Variants in KSR1 observed in about 807,000 individuals in gnomAD.
KSR1 encodes kinase suppressor of ras 1.
In KSR1, 35 loss-of-function variants were observed where a neutral mutation model predicts 92.9. That is an observed-to-expected ratio of 0.38 (90% CI 0.29 to 0.50). The LOEUF is 0.50. Among genes scored for constraint, KSR1 ranks in the 20% least tolerant of loss-of-function variants. The pLI, the probability that KSR1 is intolerant of heterozygous loss-of-function variation, is 0.94. For missense variants in KSR1, 972 were observed against 1,158.5 expected (o/e 0.84, Z 2.34); for synonymous variants, 467 against 472.6 (o/e 0.99, Z 0.15).
At position 27,466,895 on chromosome 17, in the gene KSR1, G is replaced by A. The variant is rs1197277990; in HGVS notation, c.231+10021G>A. 2.6e-5 allele frequency among the ~76,000 whole-genome samples: 4 copies of A among 152,302 alleles called. No homozygotes were observed. The South Asian group carries it at 6.2e-4, about 24-fold the overall frequency. Reference sequence around the variant, plus strand: ...GGTTCCACCCCGTTTCATTTTCCCCGGTCGCTGAGTCAAATGGATGCATGT... The same window carrying A: ...GGTTCCACCCCGTTTCATTTTCCCCAGTCGCTGAGTCAAATGGATGCATGT... On this transcript the variant is annotated intron_variant, in intron 1 of 20. Coordinates refer to ENST00000644974, the MANE Select transcript of KSR1 (RefSeq NM_001394583.1).
intron 13 of KSR1, among the ~76,000 whole-genome samples, chr17:27,605,203 A>G (rs2073707631): frequency 6.6e-6 from 1 of 152,218 alleles, no homozygotes; most frequent in Admixed American, 6.5e-5. Flanking sequence ...TAGCATGATG[A>G]AGGGCCTCAG....
intron 1 of KSR1, among the ~76,000 whole-genome samples, chr17:27,548,484 TCCCGGTG>T (rs2071269149): frequency 6.6e-6 from 1 of 152,138 alleles, no homozygotes; most frequent in South Asian, 2.1e-4. Flanking sequence ...TGTGCTAAGG[TCCCGGTG>T]CAGTGGTCCT....
chr17:27,519,900 G>C (rs1172927736), intron 1 of KSR1, among the ~76,000 whole-genome samples: 3 of 152,132 alleles, frequency 2.0e-5, no homozygotes, highest in Non-Finnish European at 2.9e-5. Context: ...TGGGAGTGGG[G>C]ATAGTAAAAC....
At chr17:27,547,161 G>A (rs2071210722) in intron 1 of KSR1, among the ~76,000 whole-genome samples, 1 of 152,236 alleles carries the variant, frequency 6.6e-6, no homozygotes, top group African/African-American at 2.4e-5. Flanking sequence ...CAAGGGGGTT[G>A]AATCTGGCTC....
intron 1 of KSR1, among the ~76,000 whole-genome samples, chr17:27,480,808 C>T (rs1266789918): frequency 6.6e-6 from 1 of 152,200 alleles, no homozygotes; most frequent in East Asian, 1.9e-4. Flanking sequence ...CAGTTTGACA[C>T]TCAGAGCCCA....
At chr17:27,561,440 T>C (rs990818436) in intron 2 of KSR1, among the ~76,000 whole-genome samples, 7 of 152,250 alleles carry the variant, frequency 4.6e-5, no homozygotes, top group African/African-American at 1.4e-4. Context: ...AGAGGATTAA[T>C]TGATGAGCAA....
intron 3 of KSR1, chr17:27,578,305 G>A (rs542423207): frequency 1.3e-3 from 204 of 155,358 alleles, no homozygotes; most frequent in African/African-American, 4.5e-3. Flanking sequence ...TCTTATCTCC[G>A]TCTGCCTGAG....
chr17:27,550,296 A>G (rs2071347466), intron 1 of KSR1, among the ~76,000 whole-genome samples: 1 of 152,106 alleles, frequency 6.6e-6, no homozygotes, highest in South Asian at 2.1e-4. Flanking sequence ...CTCTGTTCTG[A>G]CCAGTGTTGC....
rs553494135 is a variant in KSR1 at position 27,494,365 on chromosome 17, C to T, written c.231+37491C>T. Among the ~76,000 whole-genome samples, 7 of 152,210 alleles carry T rather than the reference C, an allele frequency of 4.6e-5. No individual in the cohort carries two copies. The South Asian group carries it at 6.2e-4, about 14-fold the overall frequency. On this transcript the variant is annotated intron_variant, in intron 1 of 20. Coordinates refer to ENST00000644974, the MANE Select transcript of KSR1 (RefSeq NM_001394583.1). ...CTTGCAGTCCAAGCAGGTGAGCATT[C>T]AGGCCTGTGGGAAGGAAGGAAGGGA...
chr17:27,477,783 G>A (rs2068390341), intron 1 of KSR1, among the ~76,000 whole-genome samples: 1 of 151,828 alleles, frequency 6.6e-6, no homozygotes, highest in African/African-American at 2.4e-5. Flanking sequence ...TGCAATAACA[G>A]CTCACTGCTG....
intron 3 of KSR1, among the ~76,000 whole-genome samples, chr17:27,581,089 G>C (rs1042083606): frequency 2.0e-5 from 3 of 152,150 alleles, no homozygotes; most frequent in African/African-American, 7.2e-5. Context: ...AGCAGCTTCT[G>C]GTTCTGGAGA....
chr17:27,516,626 T>C lies in KSR1; in HGVS notation c.232-33942T>C, dbSNP rs374844954. Among the ~76,000 whole-genome samples, 10 of 151,838 alleles carry C rather than the reference T, an allele frequency of 6.6e-5. No homozygotes were observed. The East Asian group carries it at 9.7e-4, about 15-fold the overall frequency. On this transcript the variant is annotated intron_variant, in intron 1 of 20. Coordinates refer to ENST00000644974, the MANE Select transcript of KSR1 (RefSeq NM_001394583.1). ...AAACTTTGAAAAGCATGAAAGAAAA[T>C]TGAAACACTCTTAAAAATGTATATA...
chr17:27,588,209 A>G (rs961653956), intron 5 of KSR1: 6 of 285,206 alleles, frequency 2.1e-5, no homozygotes, highest in Non-Finnish European at 4.0e-5. Context: ...CTTCTTCCTC[A>G]TCTGGAAACA....
At chr17:27,580,134 A>AAGC (rs1357422768) in intron 3 of KSR1, among the ~76,000 whole-genome samples, 1 of 152,134 alleles carries the variant, frequency 6.6e-6, no homozygotes, top group Non-Finnish European at 1.5e-5. Flanking sequence ...TAAATAGGCA[A>AAGC]CTTGCAACTT....
At chr17:27,572,556 A>G (rs1660862558) in intron 2 of KSR1, among the ~76,000 whole-genome samples, 1 of 152,328 alleles carries the variant, frequency 6.6e-6, no homozygotes, top group Non-Finnish European at 1.5e-5. Context: ...ACAACTTAGC[A>G]TCTTCTGGGC....
intron 1 of KSR1, among the ~76,000 whole-genome samples, chr17:27,490,914 T>C (rs1208951070): frequency 6.6e-6 from 1 of 152,104 alleles, no homozygotes; most frequent in African/African-American, 2.4e-5. Context: ...TGAGTCAATT[T>C]TGAACTTGCT....
chr17:27,489,097 G>A (rs926651832), intron 1 of KSR1, among the ~76,000 whole-genome samples: 2 of 152,196 alleles, frequency 1.3e-5, no homozygotes, highest in Admixed American at 6.5e-5. Flanking sequence ...TTGATGTCCT[G>A]TGCCACTCTC....
intron 17 of KSR1, 128 bp from the exon 18 acceptor site, chr17:27,611,366 G>T (rs2073911478): frequency 8.0e-7 from 1 of 1,245,184 alleles, no homozygotes; most frequent in Non-Finnish European, 1.1e-6. Flanking sequence ...AGCATCCCCT[G>T]AAGCCAAGTG....
At chr17:27,535,580 A>G (rs1297931489) in intron 1 of KSR1, among the ~76,000 whole-genome samples, 2 of 152,174 alleles carry the variant, frequency 1.3e-5, no homozygotes, top group Non-Finnish European at 2.9e-5. Context: ...ACATTAACAG[A>G]TCAACAATCG....
Sources: gnomAD v4.1 joint callset for allele counts (sites outside exome capture counted in the v4.1 genomes callset) on GRCh38, gnomAD v4.1.1 for gene constraint, MANE v1.5 for transcripts, NCBI Gene and HGNC (gene_info 2026-07-23, HGNC 2026-07-21) for gene names.